Variants in SLC44A5 observed in about 807,000 individuals in gnomAD.
SLC44A5 encodes solute carrier family 44 member 5, also known as choline transporter-like protein 5.
Under a neutral mutation model 101.8 loss-of-function variants are expected in SLC44A5, and 57 were observed. That is an observed-to-expected ratio of 0.56 (90% CI 0.45 to 0.70). The LOEUF is 0.70. Among genes scored for constraint, SLC44A5 ranks in the 30% least tolerant of loss-of-function variants. The pLI, the probability that SLC44A5 is intolerant of heterozygous loss-of-function variation, is 0.00. For synonymous variants in SLC44A5, 281 were observed against 290.9 expected, an observed-to-expected ratio of 0.97 and a Z score of 0.35; for missense variants, 737 against 853.1, an observed-to-expected ratio of 0.86 and a Z score of 1.70.
chr1:75,226,081 C>A (rs76747495), intron 13 of SLC44A5, among the ~76,000 whole-genome samples: 1,808 of 152,116 alleles, frequency 0.012, 23 homozygotes, highest in Middle Eastern at 0.065. Flanking sequence ...GGATGCAATT[C>A]CCTGATCCTG....
the SLC44A5 span, among the ~76,000 whole-genome samples, chr1:75,679,501 C>G: frequency 0.044 from 6,651 of 151,744 alleles, 191 homozygotes; most frequent in African/African-American, 0.091. Context: ...AATTTCATAT[C>G]CAGCCAAACT....
At chr1:75,604,294 G>A (rs1204181926) in intron 1 of SLC44A5, among the ~76,000 whole-genome samples, 2 of 151,928 alleles carry the variant, frequency 1.3e-5, no homozygotes, top group Non-Finnish European at 2.9e-5. Flanking sequence ...GCTGATTTTG[G>A]TTTACTTTGT....
the SLC44A5 span, among the ~76,000 whole-genome samples, chr1:75,617,173 A>T: frequency 1.3e-5 from 2 of 151,916 alleles, no homozygotes; most frequent in African/African-American, 4.8e-5. Context: ...ACAATATCGA[A>T]TTTTTTTTAT....
the SLC44A5 span, chr1:75,710,700 A>G: frequency 6.6e-6 from 1 of 152,248 alleles, no homozygotes; most frequent in African/African-American, 2.4e-5. Context: ...AGCTCCCTAT[A>G]AAAAGGGAAA....
At chr1:75,426,423 G>T (rs931195308) in intron 2 of SLC44A5, among the ~76,000 whole-genome samples, 1 of 152,150 alleles carries the variant, frequency 6.6e-6, no homozygotes, top group African/African-American at 2.4e-5. Context: ...AATCCCTAAG[G>T]ATGGAGCTCA....
At chr1:75,654,099 A>T in the SLC44A5 span, among the ~76,000 whole-genome samples, 1 of 152,194 alleles carries the variant, frequency 6.6e-6, no homozygotes, top group African/African-American at 2.4e-5. Context: ...TGGTTAAATT[A>T]TATTTTCTTT....
the SLC44A5 span, among the ~76,000 whole-genome samples, chr1:75,673,754 G>A: frequency 2.0e-5 from 3 of 152,174 alleles, no homozygotes; most frequent in South Asian, 6.2e-4. Context: ...GATAAGAGAG[G>A]AGAACAAGAG....
chr1:75,623,818 C>T, the SLC44A5 span, among the ~76,000 whole-genome samples: 1 of 152,124 alleles, frequency 6.6e-6, no homozygotes, highest in Non-Finnish European at 1.5e-5. Context: ...GTTAAATTTG[C>T]ACACCACACC....
chr1:75,423,237 G>A (rs768842678), intron 2 of SLC44A5, among the ~76,000 whole-genome samples: 22 of 152,088 alleles, frequency 1.4e-4, no homozygotes, highest in East Asian at 5.8e-4. Flanking sequence ...GTGAAACAAC[G>A]CTTAGCAACC....
chr1:75,619,969 C>T, the SLC44A5 span, among the ~76,000 whole-genome samples: 2 of 152,056 alleles, frequency 1.3e-5, no homozygotes. Flanking sequence ...TATCGTAATC[C>T]TATCCCTCCC....
At chr1:75,256,816 T>A (rs1488528362) in intron 6 of SLC44A5, among the ~76,000 whole-genome samples, 1 of 152,086 alleles carries the variant, frequency 6.6e-6, no homozygotes, top group East Asian at 1.9e-4. Context: ...TGCATACTAT[T>A]TAAAGTCATA....
chr1:75,444,558 A>C, intron 2 of SLC44A5, among the ~76,000 whole-genome samples: 1 of 151,218 alleles, frequency 6.6e-6, no homozygotes, highest in Non-Finnish European at 1.5e-5. Flanking sequence ...ATAAGGAAAA[A>C]TTTTATTGTT....
At chr1:75,384,317 A>T (rs1270379973) in intron 3 of SLC44A5, among the ~76,000 whole-genome samples, 31 of 150,054 alleles carry the variant, frequency 2.1e-4, no homozygotes, top group Non-Finnish European at 3.3e-4. Flanking sequence ...AACCCATCTC[A>T]CGTGCAGAGA....
the SLC44A5 span, among the ~76,000 whole-genome samples, chr1:75,711,141 G>A: frequency 6.6e-6 from 1 of 152,100 alleles, no homozygotes; most frequent in Non-Finnish European, 1.5e-5. Flanking sequence ...CCAGGCTATT[G>A]GTAAAATCCT....
chr1:75,543,154 T>A (rs1270916604), intron 1 of SLC44A5, among the ~76,000 whole-genome samples: 2 of 152,240 alleles, frequency 1.3e-5, no homozygotes, highest in African/African-American at 4.8e-5. Flanking sequence ...AATTATTTTA[T>A]ACTATTTTAA....
At chr1:75,367,990 G>A (rs1282988617) in intron 3 of SLC44A5, among the ~76,000 whole-genome samples, 1 of 152,180 alleles carries the variant, frequency 6.6e-6, no homozygotes, top group Non-Finnish European at 1.5e-5. Flanking sequence ...CTATGGTTAA[G>A]GAATACATTG....
At chr1:75,692,933 T>C in the SLC44A5 span, among the ~76,000 whole-genome samples, 1 of 152,166 alleles carries the variant, frequency 6.6e-6, no homozygotes. Flanking sequence ...GATGGAATTC[T>C]GCCAGCTGAG....
chr1:75,342,767 T>C (rs80022012), intron 3 of SLC44A5, among the ~76,000 whole-genome samples: 1,602 of 152,270 alleles, frequency 0.011, 25 homozygotes, highest in Middle Eastern at 0.031. Flanking sequence ...AGTGAGAAAG[T>C]GGATTGCAGT....
At chr1:75,580,174 T>G (rs1294669555) in intron 1 of SLC44A5, among the ~76,000 whole-genome samples, 1 of 152,146 alleles carries the variant, frequency 6.6e-6, no homozygotes, top group East Asian at 1.9e-4. Context: ...AAATATTATA[T>G]TTTTAGCATC....
Sources: allele counts gnomAD v4.1 joint callset (sites outside exome capture counted in the v4.1 genomes callset), GRCh38; gene constraint gnomAD v4.1.1; transcripts MANE v1.5; gene names NCBI Gene and HGNC (gene_info 2026-07-23, HGNC 2026-07-21).